The following SLC38A4 variants were observed in gnomAD, a reference collection of about 807,000 sequenced individuals.
SLC38A4 encodes sodium-coupled neutral amino acid transporter 4.
Under a neutral mutation model 63.1 loss-of-function variants are expected in SLC38A4, and 20 were observed. The observed-to-expected ratio is 0.32, with a 90% CI of 0.22 to 0.46. SLC38A4 has a LOEUF of 0.46. Ranked by LOEUF, SLC38A4 falls within the 20% of genes least tolerant of loss-of-function variation. SLC38A4 has a pLI of 1.00. For synonymous variants in SLC38A4, 230 were observed against 225.5 expected (o/e 1.02, Z -0.18); for missense variants, 526 against 663.6 (o/e 0.79, Z 2.28).
Position 46,788,637 on chromosome 12 carries a change from A to ACACAC in SLC38A4, c.120-20_120-19insGTGTG, listed in dbSNP as rs397705253. 6.3e-7 allele frequency: 1 copy of ACACAC among 1,595,744 alleles called. No individual in the cohort carries two copies. On this transcript the variant is annotated intron_variant, in intron 3 of 16. Transcript: ENST00000266579. ...AAATTGACTGAACACACACACACACAAATAAGAAAGTGAAAACATCTAAAT... is the reference window on the plus strand; with the variant it reads ...AAATTGACTGAACACACACACACACACACACAATAAGAAAGTGAAAACATCTAAAT...
At chr12:46,767,505 A>G (rs1356812403) in intron 16 of SLC38A4, among the ~76,000 whole-genome samples, 1 of 152,030 alleles carries the variant, frequency 6.6e-6, no homozygotes, top group Non-Finnish European at 1.5e-5. Flanking sequence ...CCAAGGTCAC[A>G]CTGCTGTAAA....
rs752563236 is a variant in SLC38A4 at position 46,785,161 on chromosome 12, C to A, written c.343G>T (p.Val115Leu). Reference sequence around the variant, plus strand: ...ACTGAATACAGTGATAATATTGCCACAGCAAGCAGCATGATTCTGCAAAGG... The same window carrying A: ...ACTGAATACAGTGATAATATTGCCAAAGCAAGCAGCATGATTCTGCAAAGG... ...IILFIIMLLA[V>L]AILSLYSVHL... is the part of the protein sequence containing the mutation. Residue 115 changes from valine (V) to leucine (L), a missense_variant, in exon 6 of 17, where the codon GTG (valine) becomes TTG (leucine). By Grantham distance (32) the Val-to-Leu change is conservative. Transcript: ENST00000266579. 14 of 1,612,440 alleles carry A rather than the reference C, an allele frequency of 8.7e-6. No individual in the cohort carries two copies. The highest frequency in any genetic ancestry group is 1.0e-5 in the Non-Finnish European group (12 of 1,179,038).
At chr12:46,807,935 G>C (rs143746187) in intron 1 of SLC38A4, among the ~76,000 whole-genome samples, 40 of 146,018 alleles carry the variant, frequency 2.7e-4, no homozygotes, top group African/African-American at 9.6e-4. Context: ...AAACAAAGAA[G>C]TAAAGATCAA....
intron 2 of SLC38A4, among the ~76,000 whole-genome samples, chr12:46,799,368 G>A (rs966168008): frequency 2.0e-5 from 3 of 152,094 alleles, no homozygotes; most frequent in African/African-American, 7.2e-5. Context: ...TTGGGAGGCT[G>A]AGGAGGGTCT....
At chr12:46,798,088 A>G (rs899565194) in intron 2 of SLC38A4, among the ~76,000 whole-genome samples, 2 of 151,996 alleles carry the variant, frequency 1.3e-5, no homozygotes, top group Admixed American at 1.3e-4. Context: ...AAAATCTCCT[A>G]ATTGATCTTC....
At chr12:46,771,646 T>C (rs180409) in intron 14 of SLC38A4, among the ~76,000 whole-genome samples, 55,143 of 151,976 alleles carry the variant, frequency 0.36, 10,814 homozygotes, top group Middle Eastern at 0.56. Context: ...AGTGCATTCC[T>C]GAAGAGAGCA....
At position 46,775,063 on chromosome 12, in the gene SLC38A4, T is replaced by C; in HGVS notation, c.1285A>G (p.Ile429Val). The stretch of plus-strand genomic sequence containing the variant: ...TATGTACTTACTGGGAAGAGGACAA[T>C]GGGCACAGTTAGTGTTACTGCCACA... Reference protein sequence around the residue: ...VLVAVTLTVPIVLFPIRTSVI... With the variant: ...VLVAVTLTVPVVLFPIRTSVI... The change falls in exon 14 of 17, where the codon ATT becomes GTT. Residue 429 changes from isoleucine to valine, a missense_variant. Transcript: ENST00000266579. 1 of 1,612,658 alleles carries C rather than the reference T, an allele frequency of 6.2e-7. No homozygotes were observed. Among genetic ancestry groups the C allele is most frequent in the Admixed American group, 1.7e-5 (1 of 59,944 alleles).
chr12:46,828,982 C>G (rs922683226), upstream of SLC38A4, among the ~76,000 whole-genome samples: 4 of 152,148 alleles, frequency 2.6e-5, no homozygotes, highest in Non-Finnish European at 4.4e-5. Flanking sequence ...TTGTTCTCCT[C>G]CCTCTGGTTG....
chr12:46,799,407 G>T (rs1035414805), intron 2 of SLC38A4, among the ~76,000 whole-genome samples: 36 of 152,210 alleles, frequency 2.4e-4, no homozygotes, highest in African/African-American at 8.4e-4. Flanking sequence ...TTTGAGATCA[G>T]CCTGCCCAAC....
intron 5 of SLC38A4, among the ~76,000 whole-genome samples, chr12:46,787,654 T>C (rs1239487951): frequency 6.6e-6 from 1 of 152,172 alleles, no homozygotes; most frequent in African/African-American, 2.4e-5. Context: ...CTGGGAAAGA[T>C]CTTTTTGGTT....
In SLC38A4 at chr12:46,765,507, G is replaced by T. The variant is rs1347904245; in HGVS notation, c.*1194C>A. 6.2e-6 allele frequency: 2 copies of T among 321,616 alleles called. No individual in the cohort carries two copies. The highest frequency in any genetic ancestry group is 1.2e-5 in the Non-Finnish European group (2 of 166,440). 19.9% of individuals were successfully genotyped at this position (321,616 alleles called of 1,614,324 possible). On this transcript the variant is annotated 3_prime_UTR_variant, in exon 17 of 17. Coordinates refer to ENST00000266579, the MANE Select transcript of SLC38A4 (RefSeq NM_018018.5). The stretch of plus-strand genomic sequence containing the variant: ...TTTTCTTGTAGATCATCCTATTATT[G>T]TAAATATTGAAGAAGAGCATTGCCA...
At chr12:46,773,840 T>C (rs568022041) in intron 14 of SLC38A4, among the ~76,000 whole-genome samples, 6 of 152,216 alleles carry the variant, frequency 3.9e-5, no homozygotes, top group African/African-American at 1.4e-4. Context: ...ATCACAGATT[T>C]CTTATGCTTT....
Position 46,775,218 on chromosome 12 carries a change from C to G in SLC38A4, c.1175-45G>C, listed in dbSNP as rs369713477. The G allele has an allele frequency of 2.4e-3, 3,829 of 1,588,210 alleles. 108 individuals carry two copies. The South Asian group carries it at 0.041, about 17-fold the overall frequency. On this transcript the variant is annotated intron_variant, in intron 13 of 16. Transcript: ENST00000266579. Reference sequence around the variant, plus strand: ...ATGAAACCGCTTGGTGTTGTCAAATCAGCACAGGTCACTTATGGCAACATT... The same window carrying G: ...ATGAAACCGCTTGGTGTTGTCAAATGAGCACAGGTCACTTATGGCAACATT...
At chr12:46,820,949 A>G (rs937011812) in intron 1 of SLC38A4, among the ~76,000 whole-genome samples, 1 of 152,036 alleles carries the variant, frequency 6.6e-6, no homozygotes, top group South Asian at 2.1e-4. Flanking sequence ...ATCTTTTCAT[A>G]TACCTGTTGG....
intron 15 of SLC38A4, 60 bp from the exon 16 acceptor site, chr12:46,768,467 A>T: frequency 8.3e-7 from 1 of 1,203,466 alleles, no homozygotes; most frequent in Non-Finnish European, 1.2e-6. Flanking sequence ...AGCAAAGGAG[A>T]TGCCAGCACA....
At chr12:46,808,560 C>G (rs764693095) in intron 1 of SLC38A4, among the ~76,000 whole-genome samples, 3 of 151,828 alleles carry the variant, frequency 2.0e-5, no homozygotes, top group Non-Finnish European at 4.4e-5. Context: ...CCCATGATGT[C>G]TATATTTTGC....
chr12:46,765,740 A>C lies in SLC38A4; in HGVS notation c.*961T>G, dbSNP rs2120723507. On this transcript the variant is annotated 3_prime_UTR_variant, in exon 17 of 17. Coordinates refer to ENST00000266579, the MANE Select transcript of SLC38A4 (RefSeq NM_018018.5). ...TTAACATTCTGATGACTACAGAATA[A>C]GATTATATACATAAACATATAGCAA... is the stretch of plus-strand genomic sequence containing the variant. The C allele has an allele frequency of 5.8e-6, 1 of 173,038 alleles. No homozygotes were observed. The highest frequency in any genetic ancestry group is 2.7e-3 in the Middle Eastern group (1 of 368). 10.7% of individuals were successfully genotyped at this position (173,038 alleles called of 1,614,324 possible). A position where few individuals can be genotyped will look rare whatever the true frequency, so the allele number is the denominator to read the frequency against.
chr12:46,804,060 A>G (rs1939183258), intron 1 of SLC38A4, among the ~76,000 whole-genome samples: 1 of 152,098 alleles, frequency 6.6e-6, no homozygotes, highest in South Asian at 2.1e-4. Flanking sequence ...ATGAGGTCAG[A>G]TTGTTTAATG....
At chr12:46,804,390 T>A (rs1159752705) in intron 1 of SLC38A4, among the ~76,000 whole-genome samples, 1 of 152,050 alleles carries the variant, frequency 6.6e-6, no homozygotes, top group Admixed American at 6.6e-5. Context: ...ATATTTTATA[T>A]GTTGGCAAAT....
Sources: gnomAD v4.1 joint callset for allele counts (sites outside exome capture counted in the v4.1 genomes callset) on GRCh38, gnomAD v4.1.1 for gene constraint, MANE v1.5 for transcripts, NCBI Gene and HGNC (gene_info 2026-07-23, HGNC 2026-07-21) for gene names.